CHST9: variants seen among roughly 807,000 people sequenced by gnomAD.
The protein encoded by CHST9 is GalNAc-4-sulfotransferase 2.
Under a neutral mutation model 44.4 loss-of-function variants are expected in CHST9, and 41 were observed. That is an observed-to-expected ratio of 0.92 (90% confidence interval 0.72 to 1.20). The LOEUF is 1.20. Ranked by LOEUF, CHST9 falls within the 50% of genes most tolerant of loss-of-function variation. The probability of loss-of-function intolerance (pLI) is 0.00; values close to 1 mark genes in which losing one functional copy is unlikely to be tolerated. For missense variants in CHST9, 504 were observed against 516.5 expected, an observed-to-expected ratio of 0.98 and a Z score of 0.23; for synonymous variants, 171 against 178.4, an observed-to-expected ratio of 0.96 and a Z score of 0.33.
intron 2 of CHST9, among the ~76,000 whole-genome samples, chr18:27,073,155 C>G (rs1215426980): frequency 6.6e-6 from 1 of 152,154 alleles, no homozygotes; most frequent in Non-Finnish European, 1.5e-5. Context: ...TCACACTGGT[C>G]TGCCTCACAA....
intron 4 of CHST9, among the ~76,000 whole-genome samples, chr18:26,981,040 T>TG (rs1197591431): frequency 6.6e-6 from 1 of 152,246 alleles, no homozygotes; most frequent in African/African-American, 2.4e-5. Context: ...GTGATGTTGA[T>TG]GGAGCCACAG....
At chr18:27,160,370 T>C (rs1452194154) in intron 1 of CHST9, among the ~76,000 whole-genome samples, 2 of 152,222 alleles carry the variant, frequency 1.3e-5, no homozygotes, top group African/African-American at 4.8e-5. Context: ...GAGATAATTA[T>C]ATGGTTTTTG....
chr18:27,082,568 A>T (rs1446444288), intron 2 of CHST9, among the ~76,000 whole-genome samples: 1 of 152,202 alleles, frequency 6.6e-6, no homozygotes, highest in East Asian at 1.9e-4. Context: ...AAAAAATAAA[A>T]TTAATGACTG....
intron 4 of CHST9, among the ~76,000 whole-genome samples, chr18:27,001,401 G>C (rs140999970): frequency 0.011 from 1,701 of 152,206 alleles, 23 homozygotes; most frequent in Non-Finnish European, 0.012. Context: ...AATGTATTTG[G>C]GTGAAGCATT....
intron 1 of CHST9, among the ~76,000 whole-genome samples, chr18:27,147,098 CTT>C (rs1013268676): frequency 2.6e-5 from 4 of 151,884 alleles, no homozygotes; most frequent in South Asian, 2.1e-4. Context: ...GAGTTTCACT[CTT>C]GTTGCCCAGG....
chr18:27,079,760 C>T (rs2057942683), intron 2 of CHST9, among the ~76,000 whole-genome samples: 1 of 152,118 alleles, frequency 6.6e-6, no homozygotes, highest in Admixed American at 6.6e-5. Flanking sequence ...TCTGGAGGTT[C>T]GCAGGGAGAC....
chr18:27,111,017 T>C (rs183013069), intron 2 of CHST9, among the ~76,000 whole-genome samples: 3 of 152,390 alleles, frequency 2.0e-5, no homozygotes, highest in Admixed American at 6.5e-5. Context: ...AGAATGGCTT[T>C]AAAGTCTATC....
chr18:27,142,167 G>C (rs890178689), intron 2 of CHST9, among the ~76,000 whole-genome samples: 7 of 152,164 alleles, frequency 4.6e-5, no homozygotes, highest in African/African-American at 1.7e-4. Context: ...GCAGAATTGA[G>C]TAGTTGTGGT....
At chr18:27,045,062 C>G (rs570057140) in intron 3 of CHST9, among the ~76,000 whole-genome samples, 2 of 146,440 alleles carry the variant, frequency 1.4e-5, no homozygotes, top group East Asian at 4.0e-4. Context: ...AAAAAAAAAA[C>G]CATTGTTCCT....
At chr18:27,109,272 A>G (rs2058249015) in intron 2 of CHST9, among the ~76,000 whole-genome samples, 1 of 152,074 alleles carries the variant, frequency 6.6e-6, no homozygotes, top group Non-Finnish European at 1.5e-5. Context: ...CTTAATTAAG[A>G]CACCAGCACC....
intron 4 of CHST9, among the ~76,000 whole-genome samples, chr18:27,019,113 C>T (rs542421537): frequency 6.6e-6 from 1 of 152,232 alleles, no homozygotes; most frequent in Non-Finnish European, 1.5e-5. Context: ...TACGATGTAC[C>T]TCCCTCCCTT....
intron 2 of CHST9, among the ~76,000 whole-genome samples, chr18:27,109,250 A>C (rs1005229433): frequency 6.6e-6 from 1 of 152,198 alleles, no homozygotes. Context: ...GAGCTGGCGC[A>C]TAAGTTAAGT....
At chr18:27,059,459 T>C (rs1412899936) in intron 2 of CHST9, among the ~76,000 whole-genome samples, 1 of 152,050 alleles carries the variant, frequency 6.6e-6, no homozygotes, top group Non-Finnish European at 1.5e-5. Flanking sequence ...GAATTAAGAG[T>C]TTTAATATTA....
At position 27,184,889 on chromosome 18, in the gene CHST9, C is replaced by T. The variant is rs79248760; in HGVS notation, c.-97+247G>A. ...GCCCCCTCAAAGTCAGGATCCCCTC[C>T]TGCTCCCGCCCCCCACCTCCCGCCA... On this transcript the variant is annotated intron_variant, in intron 1 of 5. Coordinates refer to ENST00000618847, the MANE Select transcript of CHST9 (RefSeq NM_031422.6). Among the ~76,000 whole-genome samples, 981 of 152,294 alleles carry T rather than the reference C, an allele frequency of 6.4e-3. 3 individuals carry two copies. Among genetic ancestry groups the T allele is most frequent in the African/African-American group, 0.023 (938 of 41,576 alleles).
chr18:26,975,723 GTGTATATATATATATATATATATATA>G (rs1338782370), intron 4 of CHST9, among the ~76,000 whole-genome samples: 3 of 59,352 alleles, frequency 5.1e-5, no homozygotes, highest in African/African-American at 2.0e-4. Flanking sequence ...GTGTGTGTGT[GTGTATATATATATATATATATATATA>G]TATATATATA....
chr18:27,184,904 A>G (rs1242422716), intron 1 of CHST9, among the ~76,000 whole-genome samples: 2 of 148,812 alleles, frequency 1.3e-5, no homozygotes, highest in East Asian at 4.1e-4. Context: ...CCCGCCCCCC[A>G]CCTCCCGCCA....
intron 4 of CHST9, among the ~76,000 whole-genome samples, chr18:26,967,334 A>C (rs2056478929): frequency 6.6e-6 from 1 of 152,122 alleles, no homozygotes; most frequent in African/African-American, 2.4e-5. Flanking sequence ...GGATATTTAT[A>C]TTTGTCTTTT....
intron 2 of CHST9, among the ~76,000 whole-genome samples, chr18:27,101,349 T>A (rs963124244): frequency 1.3e-5 from 2 of 152,128 alleles, no homozygotes; most frequent in Admixed American, 6.5e-5. Flanking sequence ...CCCAGCACTT[T>A]GGGAGGCCGA....
chr18:27,112,623 C>T (rs1018677646), intron 2 of CHST9, among the ~76,000 whole-genome samples: 11 of 133,180 alleles, frequency 8.3e-5, no homozygotes, highest in Admixed American at 6.7e-4. Flanking sequence ...GTGTAGGATA[C>T]ATATATATTA....
Sources: gnomAD v4.1 joint callset for allele counts (sites outside exome capture counted in the v4.1 genomes callset) on GRCh38, gnomAD v4.1.1 for gene constraint, MANE v1.5 for transcripts, NCBI Gene and HGNC (gene_info 2026-07-23, HGNC 2026-07-21) for gene names.